Variants in ADCY10 observed in about 807,000 individuals in gnomAD.
ADCY10 encodes adenylate cyclase type 10.
In ADCY10, 156 loss-of-function variants were observed where a neutral mutation model predicts 183.3. That is an observed-to-expected ratio of 0.85 (90% CI 0.75 to 0.97). The LOEUF is 0.97. Among genes scored for constraint, ADCY10 ranks in the 50% least tolerant of loss-of-function variants. The pLI is 0.00. For missense variants in ADCY10, 1,745 were observed against 1,934.3 expected, an observed-to-expected ratio of 0.90 and a Z score of 1.84; for synonymous variants, 645 against 670.0, an observed-to-expected ratio of 0.96 and a Z score of 0.58.
intron 31 of ADCY10, among the ~76,000 whole-genome samples, chr1:167,815,866 G>A (rs1309719237): frequency 1.3e-5 from 2 of 152,092 alleles, no homozygotes; most frequent in East Asian, 3.9e-4. Context: ...CACTGTGAGA[G>A]AAATGAAGAA....
rs145277173 is a variant in ADCY10, at chr1:167,853,256, G to T, written c.2308+1097C>A. Among the ~76,000 whole-genome samples the T allele has an allele frequency of 7.5e-3, 1,140 of 152,226 alleles. 19 individuals are homozygous for T. Among genetic ancestry groups the T allele is most frequent in the African/African-American group, 0.026 (1,089 of 41,526 alleles). On this transcript the variant is annotated intron_variant, in intron 18 of 32. Transcript: ENST00000367851. ...ATTTGAGTCACAAAAAAATGAAGAG[G>T]CTTCCAATTCCAGGAAGAGAGAGTT... is the stretch of plus-strand genomic sequence containing the variant.
At chr1:167,903,833 G>GA in intron 3 of ADCY10, 54 bp downstream of exon 3, 1 of 1,350,032 alleles carries the variant, frequency 7.4e-7, no homozygotes, top group Non-Finnish European at 1.1e-6. Flanking sequence ...GACAACTACG[G>GA]AAAAAACAAT....
intron 25 of ADCY10, among the ~76,000 whole-genome samples, chr1:167,830,526 G>A (rs1000357663): frequency 6.6e-6 from 1 of 152,028 alleles, no homozygotes; most frequent in African/African-American, 2.4e-5. Context: ...CCAGTAGCTG[G>A]GATTACAGGC....
intron 18 of ADCY10, 38 bp downstream of exon 18, chr1:167,854,315 A>G (rs758581437): frequency 1.9e-6 from 3 of 1,613,872 alleles, no homozygotes; most frequent in African/African-American, 2.7e-5. Flanking sequence ...TAAGTTAGGC[A>G]GAACAGAGTA....
At chr1:167,887,873 C>T (rs1406135527) in intron 8 of ADCY10, among the ~76,000 whole-genome samples, 3 of 151,538 alleles carry the variant, frequency 2.0e-5, no homozygotes, top group Non-Finnish European at 4.4e-5. Context: ...TTGCCCACTC[C>T]AATGTCCTTG....
intron 17 of ADCY10, among the ~76,000 whole-genome samples, chr1:167,855,001 C>T (rs911608760): frequency 4.0e-4 from 61 of 152,272 alleles, no homozygotes; most frequent in African/African-American, 1.4e-3. Context: ...AAAACATTCT[C>T]TATGTTGTTA....
intron 26 of ADCY10, among the ~76,000 whole-genome samples, chr1:167,825,874 C>A (rs1266697799): frequency 6.6e-6 from 1 of 152,202 alleles, no homozygotes; most frequent in Non-Finnish European, 1.5e-5. Context: ...AAAGTTGCTT[C>A]AGAGTATACA....
intron 8 of ADCY10, among the ~76,000 whole-genome samples, chr1:167,890,627 G>A (rs1254884573): frequency 6.6e-6 from 1 of 152,140 alleles, no homozygotes; most frequent in Non-Finnish European, 1.5e-5. Flanking sequence ...AGCCAGGTTT[G>A]TGTCTTTCCC....
At chr1:167,908,187 T>C (rs1669936311) in intron 1 of ADCY10, among the ~76,000 whole-genome samples, 1 of 152,274 alleles carries the variant, frequency 6.6e-6, no homozygotes, top group African/African-American at 2.4e-5. Context: ...AAAGAAAACA[T>C]TGGATAATGT....
chr1:167,820,878 G>A (rs1270630006), intron 30 of ADCY10: 1 of 152,236 alleles, frequency 6.6e-6, no homozygotes, highest in African/African-American at 2.4e-5. Flanking sequence ...AGGCGAGGCT[G>A]CAGTGATCCG....
At chr1:167,841,123 T>G (rs905686189) in intron 21 of ADCY10, among the ~76,000 whole-genome samples, 4 of 151,906 alleles carry the variant, frequency 2.6e-5, no homozygotes, top group African/African-American at 9.7e-5. Flanking sequence ...TTGTATTTTT[T>G]GTAGAGGGAG....
chr1:167,879,500 C>T (rs537643327), intron 11 of ADCY10, among the ~76,000 whole-genome samples: 2 of 152,206 alleles, frequency 1.3e-5, no homozygotes, highest in East Asian at 3.9e-4. Flanking sequence ...TCACCCCATC[C>T]CAACAAGCCA....
At chr1:167,848,897 C>G (rs544827148) in intron 18 of ADCY10, among the ~76,000 whole-genome samples, 20 of 152,128 alleles carry the variant, frequency 1.3e-4, no homozygotes, top group Non-Finnish European at 2.8e-4. Flanking sequence ...GCCTCGGCCT[C>G]CCAAAGTGCT....
chr1:167,814,868 G>C (rs1360515535), intron 31 of ADCY10, among the ~76,000 whole-genome samples: 1 of 152,180 alleles, frequency 6.6e-6, no homozygotes, highest in Admixed American at 6.5e-5. Context: ...GCTCATGCCT[G>C]TAATCCCAGC....
chr1:167,809,898 G>A (rs1662098130), intron 32 of ADCY10, 59 bp from the exon 33 acceptor site: 1 of 1,568,040 alleles, frequency 6.4e-7, no homozygotes, highest in African/African-American at 1.4e-5. Context: ...TTGTAATCAA[G>A]GTTAGTCCAA....
chr1:167,869,164 A>T (rs2102135782), intron 14 of ADCY10, among the ~76,000 whole-genome samples: 1 of 152,322 alleles, frequency 6.6e-6, no homozygotes, highest in Middle Eastern at 3.4e-3. Context: ...CCATGTTTAG[A>T]AGGTGGTTCC....
intron 31 of ADCY10, among the ~76,000 whole-genome samples, chr1:167,816,041 G>T (rs1662510315): frequency 6.8e-6 from 1 of 147,482 alleles, no homozygotes; most frequent in Admixed American, 6.8e-5. Context: ...AGTACAAAAG[G>T]TATACTAGAT....
rs527326080 is a variant in ADCY10, at chr1:167,905,968, G to A, written c.-58-770C>T. Among the ~76,000 whole-genome samples, 6 of 152,264 alleles carry A rather than the reference G, an allele frequency of 3.9e-5. No individual in the cohort carries two copies. In the South Asian group the frequency reaches 1.2e-3, roughly 32 times the overall value. On this transcript the variant is annotated intron_variant, in intron 1 of 32. Coordinates refer to ENST00000367851, the MANE Select transcript of ADCY10 (RefSeq NM_018417.6). ...AAAGCAAACACCCTTTACTTTTTCA[G>A]AGCAATCCAAGTTACTGGAATAGGT...
At chr1:167,889,338 G>A (rs1309616566) in intron 8 of ADCY10, among the ~76,000 whole-genome samples, 3 of 152,080 alleles carry the variant, frequency 2.0e-5, no homozygotes, top group African/African-American at 7.2e-5. Flanking sequence ...TGATAATATG[G>A]TTTTTGTCCT....
Sources: allele counts gnomAD v4.1 joint callset (sites outside exome capture counted in the v4.1 genomes callset), GRCh38; gene constraint gnomAD v4.1.1; transcripts MANE v1.5; gene names NCBI Gene and HGNC (gene_info 2026-07-23, HGNC 2026-07-21).